PRKCH: variants seen among roughly 807,000 people sequenced by gnomAD.
PRKCH encodes protein kinase C eta type.
Under a neutral mutation model 82.5 loss-of-function variants are expected in PRKCH, and 28 were observed. The observed-to-expected ratio is 0.34, with a 90% CI of 0.25 to 0.47. The LOEUF (loss-of-function observed/expected upper bound fraction) is 0.47, where lower values mean the gene tolerates loss of function less well. PRKCH is among the 20% of genes least tolerant of loss of function. The pLI is 1.00. For missense variants in PRKCH, 705 were observed against 881.8 expected, an observed-to-expected ratio of 0.80 and a Z score of 2.54; for synonymous variants, 322 against 327.4, an observed-to-expected ratio of 0.98 and a Z score of 0.18.
intron 1 of PRKCH, among the ~76,000 whole-genome samples, chr14:61,192,123 T>C (rs1271564828): frequency 2.0e-5 from 3 of 151,870 alleles, no homozygotes; most frequent in Non-Finnish European, 2.9e-5. Context: ...ATGTGTGAAA[T>C]AGGAAGGTTT....
At chr14:61,402,355 T>G in intron 2 of PRKCH, among the ~76,000 whole-genome samples, 1 of 152,234 alleles carries the variant, frequency 6.6e-6, no homozygotes, top group Middle Eastern at 3.4e-3. Flanking sequence ...TGTTTACTTT[T>G]GTGTGGTATT....
At chr14:61,254,655 C>T (rs1052921492) in intron 1 of PRKCH, among the ~76,000 whole-genome samples, 1 of 152,032 alleles carries the variant, frequency 6.6e-6, no homozygotes, top group African/African-American at 2.4e-5. Context: ...ACATAAAAAC[C>T]TACTAAAAGA....
chr14:61,489,526 A>G (rs983166652), intron 10 of PRKCH, among the ~76,000 whole-genome samples: 24 of 152,208 alleles, frequency 1.6e-4, no homozygotes, highest in African/African-American at 5.3e-4. Context: ...TTGTGGAGGA[A>G]CAGAAGCCCA....
chr14:61,406,802 A>G (rs1242397123), intron 2 of PRKCH, among the ~76,000 whole-genome samples: 1 of 152,054 alleles, frequency 6.6e-6, no homozygotes, highest in African/African-American at 2.4e-5. Context: ...CATTGTGCCG[A>G]GCAGAGTTAT....
intron 1 of PRKCH, among the ~76,000 whole-genome samples, chr14:61,311,880 A>C (rs1339934679): frequency 6.6e-6 from 1 of 152,208 alleles, no homozygotes; most frequent in African/African-American, 2.4e-5. Context: ...TTCATCCTAC[A>C]TGGCAGCAGG....
chr14:61,244,990 C>G (rs1337067119), intron 1 of PRKCH, among the ~76,000 whole-genome samples: 1 of 152,160 alleles, frequency 6.6e-6, no homozygotes, highest in Non-Finnish European at 1.5e-5. Flanking sequence ...TTTGGTAAAC[C>G]TACTATACCT....
intron 1 of PRKCH, among the ~76,000 whole-genome samples, chr14:61,188,337 A>G (rs1267105366): frequency 5.3e-5 from 8 of 152,108 alleles, no homozygotes; most frequent in African/African-American, 1.9e-4. Flanking sequence ...TAGGAGGAGG[A>G]TGCAGGCTCA....
chr14:61,290,949 T>C (rs1363924076), intron 1 of PRKCH, among the ~76,000 whole-genome samples: 1 of 152,166 alleles, frequency 6.6e-6, no homozygotes, highest in Non-Finnish European at 1.5e-5. Flanking sequence ...CTGAGGTACA[T>C]AGCAAGGACA....
At chr14:61,503,353 C>T (rs949879967) in intron 10 of PRKCH, among the ~76,000 whole-genome samples, 1 of 145,284 alleles carries the variant, frequency 6.9e-6, no homozygotes, top group Non-Finnish European at 1.5e-5. Context: ...TAAAAAACAA[C>T]CAAACAGAAA....
At chr14:61,390,296 A>G (rs769465226) in intron 1 of PRKCH, among the ~76,000 whole-genome samples, 2 of 152,218 alleles carry the variant, frequency 1.3e-5, no homozygotes, top group Non-Finnish European at 2.9e-5. Flanking sequence ...AAAAGACTTC[A>G]AGCTGCATTG....
chr14:61,509,424 C>T lies in PRKCH; in HGVS notation c.1434-19651C>T, dbSNP rs77171124. ...AGGTTCAACAGGTCCTGGGCATCTG[C>T]TTTGTGCTGTTTACCTCTGAAGATC... On this transcript the variant is annotated intron_variant, in intron 10 of 13. Transcript: ENST00000332981. Among the ~76,000 whole-genome samples, 1,431 of 152,236 alleles carry T rather than the reference C, an allele frequency of 9.4e-3. 26 individuals are homozygous for T. The highest frequency in any genetic ancestry group is 0.032 in the African/African-American group (1,320 of 41,496).
At chr14:61,299,471 CT>C (rs1239920903) in intron 1 of PRKCH, among the ~76,000 whole-genome samples, 1 of 70,150 alleles carries the variant, frequency 1.4e-5, no homozygotes, top group Admixed American at 1.4e-4. Context: ...CGGATCACAA[CT>C]TTCAGGTTTT....
chr14:61,489,063 A>G lies in PRKCH; in HGVS notation c.1433+3407A>G, dbSNP rs570845373. Among the ~76,000 whole-genome samples, 3 of 152,328 alleles carry G rather than the reference A, an allele frequency of 2.0e-5. No individual in the cohort carries two copies. In the East Asian group the frequency reaches 5.8e-4, roughly 29 times the overall value. ...ACAGGCTGGGAACAGAGTCTTAAGGATAAGACTTTGAAAGCCAAGTCCTTG... is the reference window on the plus strand; with the variant it reads ...ACAGGCTGGGAACAGAGTCTTAAGGGTAAGACTTTGAAAGCCAAGTCCTTG... On this transcript the variant is annotated intron_variant, in intron 10 of 13. Transcript: ENST00000332981.
At chr14:61,312,015 G>A (rs968251339) in intron 1 of PRKCH, among the ~76,000 whole-genome samples, 8 of 152,128 alleles carry the variant, frequency 5.3e-5, no homozygotes, top group African/African-American at 1.7e-4. Context: ...TGACATGTGG[G>A]GATTAGAGGT....
At chr14:61,282,700 A>G (rs1441139308) in intron 1 of PRKCH, among the ~76,000 whole-genome samples, 2 of 152,172 alleles carry the variant, frequency 1.3e-5, no homozygotes, top group Non-Finnish European at 2.9e-5. Flanking sequence ...TACAAGTCAC[A>G]TTAAAATTAA....
At chr14:61,195,900 GA>G (rs1420018068) in intron 1 of PRKCH, among the ~76,000 whole-genome samples, 1 of 152,200 alleles carries the variant, frequency 6.6e-6, no homozygotes, top group Non-Finnish European at 1.5e-5. Context: ...TACTTCTGTA[GA>G]AGCACCCTGG....
intron 2 of PRKCH, among the ~76,000 whole-genome samples, chr14:61,415,311 A>T (rs1055009226): frequency 2.0e-5 from 3 of 152,246 alleles, no homozygotes; most frequent in Admixed American, 2.0e-4. Context: ...AGAAAAGGCA[A>T]AAAGATGAAG....
At chr14:61,194,257 C>A (rs867479372) in intron 1 of PRKCH, among the ~76,000 whole-genome samples, 1 of 152,294 alleles carries the variant, frequency 6.6e-6, no homozygotes, top group East Asian at 1.9e-4. Flanking sequence ...AAAGAAACTT[C>A]CAGCATTTAA....
At chr14:61,362,340 TAA>T (rs10591516) in intron 1 of PRKCH, among the ~76,000 whole-genome samples, 42,825 of 125,046 alleles carry the variant, frequency 0.34, 7,600 homozygotes, top group African/African-American at 0.52. Context: ...CATCTTGTCT[TAA>T]AAAAAAAAAA....
Sources: gnomAD v4.1 joint callset for allele counts (sites outside exome capture counted in the v4.1 genomes callset) on GRCh38, gnomAD v4.1.1 for gene constraint, MANE v1.5 for transcripts, NCBI Gene and HGNC (gene_info 2026-07-23, HGNC 2026-07-21) for gene names.